Variants in AKR1E2 observed in about 807,000 individuals in gnomAD.
AKR1E2 encodes 1,5-anhydro-D-fructose reductase.
A neutral mutation model predicts 41.9 loss-of-function variants in AKR1E2; 43 were observed. The ratio of observed to expected loss-of-function variants is 1.03; its 90% CI spans 0.80 to 1.32. AKR1E2 has a LOEUF of 1.32. Among genes scored for constraint, AKR1E2 ranks in the 40% most tolerant of loss-of-function variants. The pLI is 0.00. For synonymous variants in AKR1E2, 121 were observed against 138.9 expected (o/e 0.87, Z 0.91); for missense variants, 423 against 396.5 (o/e 1.07, Z -0.57).
the AKR1E2 span, among the ~76,000 whole-genome samples, chr10:4,868,373 C>T: frequency 1.3e-5 from 2 of 152,142 alleles, no homozygotes; most frequent in African/African-American, 4.8e-5. Flanking sequence ...TTTAGTTGCT[C>T]TGGTCAAAAT....
chr10:4,865,826 C>G, the AKR1E2 span, among the ~76,000 whole-genome samples: 1 of 152,160 alleles, frequency 6.6e-6, no homozygotes, highest in Non-Finnish European at 1.5e-5. Context: ...CACCCCAACC[C>G]AACCGTTGCC....
intron 1 of AKR1E2, among the ~76,000 whole-genome samples, chr10:4,826,955 G>A (rs1832572820): frequency 6.6e-6 from 1 of 151,660 alleles, no homozygotes; most frequent in African/African-American, 2.4e-5. Context: ...GCGCGCCTGT[G>A]GTCCCAGCTA....
At chr10:4,867,605 T>C in the AKR1E2 span, among the ~76,000 whole-genome samples, 1 of 152,244 alleles carries the variant, frequency 6.6e-6, no homozygotes, top group Non-Finnish European at 1.5e-5. Context: ...AGCCAAGGTG[T>C]TGGATGTGCC....
In AKR1E2 at chr10:4,831,437, G is replaced by T. The variant is rs1053703065; in HGVS notation, c.207+595G>T. Reference sequence around the variant, plus strand: ...ATAGCTGGGGAGGCCTCACAATCATGGCAAAAGGCGAAGGAGGAACAAAGG... The same window carrying T: ...ATAGCTGGGGAGGCCTCACAATCATTGCAAAAGGCGAAGGAGGAACAAAGG... On this transcript the variant is annotated intron_variant, in intron 2 of 9. Coordinates refer to ENST00000298375, the MANE Select transcript of AKR1E2 (RefSeq NM_001040177.3). Among the ~76,000 whole-genome samples, 4 of 152,146 alleles carry T rather than the reference G, an allele frequency of 2.6e-5. No homozygotes were observed. In the East Asian group the frequency reaches 5.8e-4, roughly 22 times the overall value.
rs1869216 is a variant in AKR1E2 at position 4,847,448 on chromosome 10, T to C, written c.921-40T>C. ...AAATGTTTCTCTTAAAAAATAATCA[T>C]TCTTTGTTCCTATTTTTGATTTGTT... is the stretch of plus-strand genomic sequence containing the variant. On this transcript the variant is annotated intron_variant, in intron 9 of 9. Transcript: ENST00000298375. The C allele has an allele frequency of 0.042, 67,587 of 1,602,552 alleles. 1,777 individuals are homozygous for C. The highest frequency in any genetic ancestry group is 0.12 in the East Asian group (5,509 of 44,802).
At chr10:4,867,894 A>G in the AKR1E2 span, among the ~76,000 whole-genome samples, 1 of 152,168 alleles carries the variant, frequency 6.6e-6, no homozygotes, top group African/African-American at 2.4e-5. Context: ...ACCTTGGAGC[A>G]TTTCAAGTTT....
the AKR1E2 span, among the ~76,000 whole-genome samples, chr10:4,854,106 T>G: frequency 3.3e-5 from 5 of 150,970 alleles, no homozygotes; most frequent in Non-Finnish European, 5.9e-5. Flanking sequence ...TTTTTTTTTT[T>G]TTTTTTAGAC....
chr10:4,844,326 G>T (rs1385493849), intron 8 of AKR1E2, among the ~76,000 whole-genome samples: 1 of 152,134 alleles, frequency 6.6e-6, no homozygotes, highest in Non-Finnish European at 1.5e-5. Context: ...GAGTGATGCT[G>T]CAGACCTTTG....
Position 4,837,538 on chromosome 10 carries a change from T to C in AKR1E2, c.539T>C (p.Leu180Pro). The C allele has an allele frequency of 6.2e-7, 1 of 1,614,032 alleles. No homozygotes were observed. Among genetic ancestry groups the C allele is most frequent in the South Asian group, 1.1e-5 (1 of 91,074 alleles). The change falls in exon 5 of 10, where the codon CTT becomes CCT. Residue 180 changes from leucine to proline, a missense_variant. Transcript: ENST00000298375. ...TTCAACCATGAACAGCTTGAGAGGCTTTTGAATAAGCCTGGGTTGAGGTTC... is the reference window on the plus strand; with the variant it reads ...TTCAACCATGAACAGCTTGAGAGGCCTTTGAATAAGCCTGGGTTGAGGTTC... The part of the protein sequence containing the change: ...SNFNHEQLER[L>P]LNKPGLRFKP...
chr10:4,827,323 G>GC (rs1390672011), intron 1 of AKR1E2, among the ~76,000 whole-genome samples: 11 of 142,230 alleles, frequency 7.7e-5, no homozygotes, highest in Admixed American at 1.4e-4. Flanking sequence ...GTGGTAAGAT[G>GC]TTTGAAATGT....
rs541420450 is a variant in AKR1E2 at position 4,847,705 on chromosome 10, C to CTA, written c.*176_*177dup. ...ACAAATCTGGAGAATTGAGTGTGTTCTAAGTGAAGGCAATGGGGTTTCTCC... is the reference window on the plus strand; with the variant it reads ...ACAAATCTGGAGAATTGAGTGTGTTCTATAAGTGAAGGCAATGGGGTTTCTCC... On this transcript the variant is annotated 3_prime_UTR_variant, in exon 10 of 10. Coordinates refer to ENST00000298375, the MANE Select transcript of AKR1E2 (RefSeq NM_001040177.3). 3 of 701,374 alleles carry CTA rather than the reference C, an allele frequency of 4.3e-6. No individual in the cohort carries two copies. The highest frequency in any genetic ancestry group is 7.3e-6 in the Non-Finnish European group (3 of 413,214). 43.4% of individuals were successfully genotyped at this position (701,374 alleles called of 1,614,324 possible). A position where few individuals can be genotyped will look rare whatever the true frequency, so the allele number is the denominator to read the frequency against.
the AKR1E2 span, among the ~76,000 whole-genome samples, chr10:4,858,377 A>T: frequency 6.6e-6 from 1 of 152,336 alleles, no homozygotes; most frequent in Admixed American, 6.5e-5. Flanking sequence ...TCATTCATTC[A>T]TTGAGCCTAC....
At chr10:4,836,962 A>G (rs1328079642) in intron 4 of AKR1E2, among the ~76,000 whole-genome samples, 1 of 152,122 alleles carries the variant, frequency 6.6e-6, no homozygotes, top group Non-Finnish European at 1.5e-5. Context: ...CTCTGCCCTA[A>G]AGTGTCTTAA....
intron 3 of AKR1E2, among the ~76,000 whole-genome samples, chr10:4,834,766 T>A (rs1171742344): frequency 6.6e-6 from 1 of 152,180 alleles, no homozygotes; most frequent in Non-Finnish European, 1.5e-5. Context: ...GATTTCTGGG[T>A]CGTAGAAAAG....
In AKR1E2 at chr10:4,839,811, C is replaced by T; in HGVS notation, c.665C>T (p.Pro222Leu). Residue 222 changes from proline to leucine, a missense_variant, in exon 6 of 10, where the codon CCT becomes CTT. By Grantham distance (98) the Pro-to-Leu change is moderately conservative. Transcript: ENST00000298375. ...SRDVSVTAYR[P>L]LGGSCEGVDL... ...GATGTGTCCGTGACTGCTTACCGTC[C>T]TCTTGGTGGCTCGTGGTAAGGATAC... The T allele has an allele frequency of 6.2e-7, 1 of 1,614,028 alleles. No individual in the cohort carries two copies. Among genetic ancestry groups the T allele is most frequent in the Non-Finnish European group, 8.5e-7 (1 of 1,179,952 alleles).
In AKR1E2 at chr10:4,845,203, G is replaced by A. The variant is rs547930480; in HGVS notation, c.838-1945G>A. 2.1e-4 allele frequency among the ~76,000 whole-genome samples: 32 copies of A among 152,080 alleles called. No homozygotes were observed. The South Asian group carries it at 3.7e-3, about 18-fold the overall frequency. On this transcript the variant is annotated intron_variant, in intron 8 of 9. Transcript: ENST00000298375. ...CCAGGGCCAGCAGGGCTTGCCAGCC[G>A]CTCCGAGTGCCGGGCCCACCAAGCC...
Position 4,847,206 on chromosome 10 carries a change from A to G in AKR1E2, c.896A>G (p.Asn299Ser), listed in dbSNP as rs749053768. The G allele has an allele frequency of 1.1e-5, 18 of 1,614,086 alleles. No individual in the cohort carries two copies. The Admixed American group carries it at 3.0e-4, about 27-fold the overall frequency. Residue 299 changes from asparagine (N) to serine (S), a missense_variant, in exon 9 of 10, where the codon AAT becomes AGT. Physicochemically the swap from Asn to Ser is conservative, Grantham distance 46. Transcript: ENST00000298375. ...DMDNILSLNR[N>S]LRLAMFPITK... is the part of the protein sequence containing the mutation. ...GATAACATCCTCAGCCTAAACAGGA[A>G]TCTCCGACTGGCCATGTTCCCCATG...
rs527331007 is a variant in AKR1E2, at chr10:4,833,619, C to T, written c.324+153C>T. ...ATGCTAGCTGCGGCATTTGGGCAGT[C>T]CTCTTGATATCTCTGGGCCTCAGTT... On this transcript the variant is annotated intron_variant, in intron 3 of 9. Transcript: ENST00000298375. 14 of 697,606 alleles carry T rather than the reference C, an allele frequency of 2.0e-5. No homozygotes were observed. In the African/African-American group the frequency reaches 2.3e-4, roughly 11 times the overall value. The allele number at this position is 697,606 out of a possible 1,614,324, so 43.2% of individuals were successfully genotyped here. A position where few individuals can be genotyped will look rare whatever the true frequency, so the allele number is the denominator to read the frequency against.
the AKR1E2 span, among the ~76,000 whole-genome samples, chr10:4,863,182 T>G: frequency 0.25 from 38,444 of 152,014 alleles, 5,050 homozygotes; most frequent in Middle Eastern, 0.37. Flanking sequence ...ACACCGCACT[T>G]ATTCCAAAAC....
Sources: gnomAD v4.1 joint callset for allele counts (sites outside exome capture counted in the v4.1 genomes callset) on GRCh38, gnomAD v4.1.1 for gene constraint, MANE v1.5 for transcripts, NCBI Gene and HGNC (gene_info 2026-07-23, HGNC 2026-07-21) for gene names.